DOCK3: variants seen among roughly 807,000 people sequenced by gnomAD.
DOCK3 encodes dedicator of cytokinesis 3, also known as dedicator of cytokinesis protein 3.
A neutral mutation model predicts 265.6 loss-of-function variants in DOCK3; 60 were observed. That is an observed-to-expected ratio of 0.23 (90% CI 0.18 to 0.28). The LOEUF (loss-of-function observed/expected upper bound fraction) is 0.28. DOCK3 is among the 10% of genes least tolerant of loss of function. The probability of loss-of-function intolerance (pLI) is 1.00; values close to 1 mark genes in which losing one functional copy is unlikely to be tolerated. For synonymous variants in DOCK3, 881 were observed against 938.0 expected, an observed-to-expected ratio of 0.94 and a Z score of 1.11; for missense variants, 1,981 against 2,594.3, an observed-to-expected ratio of 0.76 and a Z score of 5.14.
intron 12 of DOCK3, among the ~76,000 whole-genome samples, chr3:51,195,666 C>A (rs1490988207): frequency 2.0e-5 from 3 of 152,126 alleles, no homozygotes; most frequent in Non-Finnish European, 4.4e-5. Context: ...GATCTGCCCG[C>A]CTCGGCCTCC....
intron 5 of DOCK3, among the ~76,000 whole-genome samples, chr3:50,978,886 C>G (rs191171536): frequency 1.3e-5 from 2 of 152,168 alleles, no homozygotes; most frequent in African/African-American, 4.8e-5. Context: ...GCGCAGTATT[C>G]GGGTGGGAGT....
Position 51,374,782 on chromosome 3 carries a change from C to T in DOCK3, c.5412+195C>T, listed in dbSNP as rs985155263. Among the ~76,000 whole-genome samples, 5 of 152,168 alleles carry T rather than the reference C, an allele frequency of 3.3e-5. No homozygotes were observed. In the South Asian group the frequency reaches 6.2e-4, roughly 19 times the overall value. On this transcript the variant is annotated intron_variant, in intron 50 of 52. Coordinates refer to ENST00000266037, the MANE Select transcript of DOCK3 (RefSeq NM_004947.5). The surrounding 1 kb of genome is among the most constrained non-coding windows in gnomAD (Gnocchi z 4.8). The stretch of plus-strand genomic sequence containing the variant: ...ACCAGCAATCCAGACAGAGTGTAGG[C>T]GTGAGTAGAATGGTGGCAGGAACCA...
intron 5 of DOCK3, among the ~76,000 whole-genome samples, chr3:50,945,967 C>A (rs1426162748): frequency 6.6e-6 from 1 of 151,846 alleles, no homozygotes; most frequent in Non-Finnish European, 1.5e-5. Flanking sequence ...TGGCTCATTT[C>A]TGTAATCCCA....
At chr3:51,101,148 C>CT (rs1228726533) in intron 9 of DOCK3, among the ~76,000 whole-genome samples, 4 of 132,508 alleles carry the variant, frequency 3.0e-5, no homozygotes, top group African/African-American at 1.1e-4. Flanking sequence ...GAGTCTCACT[C>CT]TGTCGCCCAG....
At chr3:50,792,316 G>C (rs2042522656) in intron 2 of DOCK3, among the ~76,000 whole-genome samples, 1 of 152,146 alleles carries the variant, frequency 6.6e-6, no homozygotes, top group African/African-American at 2.4e-5. Flanking sequence ...TGTATTCTGA[G>C]ACTTTGCTGA....
chr3:51,079,637 A>G (rs979016176), intron 7 of DOCK3, among the ~76,000 whole-genome samples: 1 of 152,042 alleles, frequency 6.6e-6, no homozygotes, highest in African/African-American at 2.4e-5. Flanking sequence ...ACAGGCCTGA[A>G]CCACCATACT....
chr3:51,134,329 T>A (rs1390153959), intron 9 of DOCK3, among the ~76,000 whole-genome samples: 1 of 152,170 alleles, frequency 6.6e-6, no homozygotes, highest in Non-Finnish European at 1.5e-5. Flanking sequence ...GGTAGTTCTG[T>A]TTTCTGAAGA....
chr3:51,234,453 T>C (rs1396552743), intron 19 of DOCK3, among the ~76,000 whole-genome samples: 2 of 152,254 alleles, frequency 1.3e-5, no homozygotes, highest in Non-Finnish European at 2.9e-5. Flanking sequence ...GTCTGTTTCC[T>C]GTATCAGTTT....
intron 17 of DOCK3, 42 bp from the exon 18 acceptor site, chr3:51,228,619 G>C (rs781215952): frequency 2.5e-6 from 4 of 1,573,580 alleles, no homozygotes; most frequent in Non-Finnish European, 3.4e-6. Flanking sequence ...TTTGCATGTT[G>C]CATGGCTCAG....
intron 4 of DOCK3, among the ~76,000 whole-genome samples, chr3:50,898,299 G>C (rs1325378037): frequency 2.6e-5 from 4 of 152,148 alleles, no homozygotes; most frequent in Non-Finnish European, 2.9e-5. Context: ...ATGGTAGTTT[G>C]TATTTCTGTG....
intron 33 of DOCK3, 125 bp downstream of exon 33, chr3:51,330,348 T>TA: frequency 1.3e-6 from 1 of 778,444 alleles, no homozygotes; most frequent in Admixed American, 2.7e-5. Flanking sequence ...CCTGGGTTGT[T>TA]CCTGATGGTA....
At chr3:51,296,016 AT>A (rs924574986) in intron 27 of DOCK3, among the ~76,000 whole-genome samples, 1 of 152,004 alleles carries the variant, frequency 6.6e-6, no homozygotes, top group Non-Finnish European at 1.5e-5. Flanking sequence ...AACTTTTTAA[AT>A]TTTTTTTAAG....
At chr3:50,853,958 C>T (rs190715740) in intron 3 of DOCK3, among the ~76,000 whole-genome samples, 33 of 151,540 alleles carry the variant, frequency 2.2e-4, no homozygotes, top group Admixed American at 7.2e-4. Flanking sequence ...CTTTTCTCTG[C>T]GTCCTCGAGA....
At chr3:50,715,562 G>GA (rs201053424) in intron 1 of DOCK3, among the ~76,000 whole-genome samples, 10 of 150,762 alleles carry the variant, frequency 6.6e-5, no homozygotes, top group African/African-American at 1.7e-4. Flanking sequence ...GAAAAAACAA[G>GA]AAAAAAAAAT....
intron 5 of DOCK3, among the ~76,000 whole-genome samples, chr3:51,041,236 G>T (rs1358840545): frequency 1.3e-4 from 2 of 15,556 alleles, no homozygotes; most frequent in South Asian, 3.0e-3. Flanking sequence ...TTTTTTTTTT[G>T]AGACAGAGTT....
At chr3:50,760,055 A>G (rs558913493) in intron 1 of DOCK3, among the ~76,000 whole-genome samples, 1 of 151,132 alleles carries the variant, frequency 6.6e-6, no homozygotes, top group South Asian at 2.1e-4. Context: ...ACTTTTGGTC[A>G]TGAAGAAATC....
Position 51,381,103 on chromosome 3 carries a change from C to G in DOCK3, c.5637C>G (p.Asp1879Glu), listed in dbSNP as rs782753395. 2 of 1,613,240 alleles carry G rather than the reference C, an allele frequency of 1.2e-6. No individual in the cohort carries two copies. The highest frequency in any genetic ancestry group is 1.7e-6 in the Non-Finnish European group (2 of 1,179,590). Residue 1879 changes from aspartate (D) to glutamate (E), a missense_variant, in exon 53 of 53, where the codon GAC (aspartate) becomes GAG (glutamate). Transcript: ENST00000266037. This position sits in a 1 kb window ranked among gnomAD's most constrained non-coding sequence, Gnocchi z 5.6. ...CCACAAGCCCCCAGTCAGGTCTGGA[C>G]GGCAGCAACTCTACGCTGTCCGGCA... ...ASPTSPQSGL[D>E]GSNSTLSGSA...
At chr3:50,848,347 T>C (rs1214484781) in intron 3 of DOCK3, among the ~76,000 whole-genome samples, 1 of 152,246 alleles carries the variant, frequency 6.6e-6, no homozygotes, top group Non-Finnish European at 1.5e-5. Flanking sequence ...CGTGAAGTTG[T>C]TAGCTGGCTG....
Position 50,862,801 on chromosome 3 carries a change from G to C in DOCK3, c.162+21086G>C, listed in dbSNP as rs561193919. Reference sequence around the variant, plus strand: ...AGGACACTGCCATTTTGTGTAGGGAGGGGGAGTTGGACCCTTCCTTTCATG... The same window carrying C: ...AGGACACTGCCATTTTGTGTAGGGACGGGGAGTTGGACCCTTCCTTTCATG... On this transcript the variant is annotated intron_variant, in intron 3 of 52. Coordinates refer to ENST00000266037, the MANE Select transcript of DOCK3 (RefSeq NM_004947.5). Among the ~76,000 whole-genome samples, 6 of 152,200 alleles carry C rather than the reference G, an allele frequency of 3.9e-5. No individual in the cohort carries two copies. In the East Asian group the frequency reaches 1.2e-3, roughly 29 times the overall value.
Sources: gnomAD v4.1 joint callset for allele counts (sites outside exome capture counted in the v4.1 genomes callset) on GRCh38, gnomAD v4.1.1 for gene constraint, Gnocchi (gnomAD v3.1) non-coding constraint, MANE v1.5 for transcripts, NCBI Gene and HGNC (gene_info 2026-07-23, HGNC 2026-07-21) for gene names.